SPATA7: variants seen among roughly 807,000 people sequenced by gnomAD.
SPATA7 encodes spermatogenesis-associated protein 7.
A neutral mutation model predicts 51.8 loss-of-function variants in SPATA7; 43 were observed. That is an observed-to-expected ratio of 0.83 (90% CI 0.65 to 1.07). The LOEUF (loss-of-function observed/expected upper bound fraction) is 1.07. Among genes scored for constraint, SPATA7 ranks in the 50% least tolerant of loss-of-function variants. The pLI, the probability that SPATA7 is intolerant of heterozygous loss-of-function variation, is 0.00. For synonymous variants in SPATA7, 230 were observed against 252.8 expected, an observed-to-expected ratio of 0.91 and a Z score of 0.86; for missense variants, 683 against 701.3, an observed-to-expected ratio of 0.97 and a Z score of 0.30.
At chr14:88,415,257 C>G (rs986749041) in intron 4 of SPATA7, 16 of 360,662 alleles carry the variant, frequency 4.4e-5, no homozygotes, top group Non-Finnish European at 8.2e-5. Flanking sequence ...TGCAAATATA[C>G]CTAGGATAGG....
Position 88,444,364 on chromosome 14 carries a change from G to T in SPATA7, c.177+6461G>T, listed in dbSNP as rs918411386. On this transcript the variant is annotated intron_variant, in intron 3 of 3. Coordinates refer to the SPATA7 transcript ENST00000554802. ...TTTTCTTGTAAATTTGTTTGAGTTC[G>T]TTGTAGATTCTGGATATTAGCCCTT... Among the ~76,000 whole-genome samples the T allele has an allele frequency of 3.3e-5, 5 of 151,810 alleles. No individual in the cohort carries two copies. The East Asian group carries it at 5.8e-4, about 18-fold the overall frequency.
intron 5 of SPATA7, among the ~76,000 whole-genome samples, chr14:88,423,618 TTATAAA>T (rs1049931361): frequency 6.6e-6 from 1 of 152,152 alleles, no homozygotes; most frequent in Non-Finnish European, 1.5e-5. Flanking sequence ...TATATTTGTT[TTATAAA>T]ATATAATTTG....
At chr14:88,442,175 TTTG>T (rs1217373408), downstream of SPATA7, among the ~76,000 whole-genome samples, 177 of 150,756 alleles carry the variant, frequency 1.2e-3, 2 homozygotes, top group East Asian at 0.024. Flanking sequence ...TATATGCCTG[TTTG>T]TTTGTTTGTT....
intron 3 of SPATA7, among the ~76,000 whole-genome samples, chr14:88,394,475 G>A (rs1405642648): frequency 1.3e-5 from 2 of 152,072 alleles, no homozygotes; most frequent in African/African-American, 4.8e-5. Flanking sequence ...ACACTGTTCT[G>A]TGTACCACCA....
Position 88,433,122 on chromosome 14 carries a change from C to G in SPATA7, c.1083-13C>G. 1 of 1,604,920 alleles carries G rather than the reference C, an allele frequency of 6.2e-7. No homozygotes were observed. The highest frequency in any genetic ancestry group is 8.5e-7 in the Non-Finnish European group (1 of 1,173,988). ...GAATAATTTTTATGCTATATATTGC[C>G]TTCCTTTTACAGTGAAGAAGAACTG... On this transcript the variant is annotated splice_polypyrimidine_tract_variant and intron_variant, in intron 9 of 11. Transcript: ENST00000393545.
chr14:88,419,973 A>G (rs886269646), intron 5 of SPATA7, among the ~76,000 whole-genome samples: 1 of 152,062 alleles, frequency 6.6e-6, no homozygotes. Context: ...ACTTGCTTCT[A>G]CCCAGTAGAA....
At chr14:88,433,563 G>A (rs1332846158) in intron 10 of SPATA7, among the ~76,000 whole-genome samples, 1 of 152,262 alleles carries the variant, frequency 6.6e-6, no homozygotes, top group East Asian at 1.9e-4. Context: ...TCAAAAGCAA[G>A]CATTTTTGGT....
At chr14:88,425,379 G>T (rs552684134) in intron 5 of SPATA7, among the ~76,000 whole-genome samples, 15 of 152,116 alleles carry the variant, frequency 9.9e-5, no homozygotes, top group African/African-American at 3.6e-4. Flanking sequence ...AGATATAATT[G>T]GCTAAATCCT....
At chr14:88,399,131 A>G (rs1268204575) in intron 4 of SPATA7, among the ~76,000 whole-genome samples, 3 of 152,326 alleles carry the variant, frequency 2.0e-5, no homozygotes, top group Admixed American at 1.3e-4. Flanking sequence ...AAAAGCATAC[A>G]TAGGGAAATG....
At chr14:88,398,288 A>G (rs1016216378) in intron 4 of SPATA7, among the ~76,000 whole-genome samples, 9 of 151,898 alleles carry the variant, frequency 5.9e-5, no homozygotes, top group Non-Finnish European at 1.3e-4. Flanking sequence ...ACCATGGAAT[A>G]CTATGCAGCC....
intron 4 of SPATA7, among the ~76,000 whole-genome samples, chr14:88,461,022 C>T (rs1336023724): frequency 6.6e-6 from 1 of 152,202 alleles, no homozygotes; most frequent in African/African-American, 2.4e-5. Flanking sequence ...TGCAGAACAG[C>T]ACATATTGCT....
chr14:88,395,347 G>A, intron 3 of SPATA7, among the ~76,000 whole-genome samples: 1 of 151,740 alleles, frequency 6.6e-6, no homozygotes, highest in Non-Finnish European at 1.5e-5. Flanking sequence ...TATATTTTAT[G>A]ATGCTTATAT....
At chr14:88,436,474 G>A (rs1482781358) in intron 10 of SPATA7, among the ~76,000 whole-genome samples, 5 of 152,016 alleles carry the variant, frequency 3.3e-5, no homozygotes, top group Admixed American at 6.6e-5. Context: ...GTGCTTGTGG[G>A]ATATTACTCA....
intron 10 of SPATA7, among the ~76,000 whole-genome samples, chr14:88,436,738 AG>A (rs957321563): frequency 2.0e-5 from 3 of 152,086 alleles, no homozygotes; most frequent in African/African-American, 7.2e-5. Context: ...AGTTCACTAT[AG>A]GTGTGTGGAT....
At chr14:88,460,661 C>T (rs1000888595) in intron 4 of SPATA7, among the ~76,000 whole-genome samples, 1 of 152,160 alleles carries the variant, frequency 6.6e-6, no homozygotes, top group Admixed American at 6.5e-5. Flanking sequence ...CAAACTTCCT[C>T]CTTTAGCTCA....
chr14:88,416,558 G>A (rs1211364341), intron 4 of SPATA7, 153 bp from the exon 5 acceptor site: 3 of 664,522 alleles, frequency 4.5e-6, no homozygotes, highest in Admixed American at 3.0e-5. Flanking sequence ...TTTAAAATGT[G>A]TTAGTAACTC....
chr14:88,450,985 A>G (rs1341449782), intron 3 of SPATA7, among the ~76,000 whole-genome samples: 1 of 152,076 alleles, frequency 6.6e-6, no homozygotes, highest in Non-Finnish European at 1.5e-5. Flanking sequence ...GGAGGCTTTG[A>G]TCATTTTAAA....
chr14:88,403,230 G>T (rs976026097), intron 4 of SPATA7, among the ~76,000 whole-genome samples: 1 of 152,170 alleles, frequency 6.6e-6, no homozygotes, highest in African/African-American at 2.4e-5. Context: ...AGGAATGTAA[G>T]TTGGTACAGC....
chr14:88,430,120 T>A (rs2076901609), intron 8 of SPATA7, among the ~76,000 whole-genome samples: 2 of 151,936 alleles, frequency 1.3e-5, no homozygotes, highest in African/African-American at 4.8e-5. Flanking sequence ...TGTCAGAGAG[T>A]GGATATGAAA....
Sources: gnomAD v4.1 joint callset for allele counts (sites outside exome capture counted in the v4.1 genomes callset) on GRCh38, gnomAD v4.1.1 for gene constraint, MANE v1.5 for transcripts, NCBI Gene and HGNC (gene_info 2026-07-23, HGNC 2026-07-21) for gene names.